NEDD4L: variants seen among roughly 807,000 people sequenced by gnomAD.
NEDD4L encodes NEDD4 like E3 ubiquitin protein ligase.
Under a neutral mutation model 148.9 loss-of-function variants are expected in NEDD4L, and 54 were observed. The ratio of observed to expected loss-of-function variants is 0.36; its 90% CI spans 0.29 to 0.45. The LOEUF (loss-of-function observed/expected upper bound fraction) is 0.45. Among genes scored for constraint, NEDD4L ranks in the 20% least tolerant of loss-of-function variants. The pLI, the probability that NEDD4L is intolerant of heterozygous loss-of-function variation, is 1.00. For synonymous variants in NEDD4L, 433 were observed against 440.7 expected, an observed-to-expected ratio of 0.98 and a Z score of 0.22; for missense variants, 856 against 1,233.8, an observed-to-expected ratio of 0.69 and a Z score of 4.59.
intron 1 of NEDD4L, among the ~76,000 whole-genome samples, chr18:58,117,661 C>T (rs962773271): frequency 3.3e-5 from 5 of 152,106 alleles, no homozygotes; most frequent in Non-Finnish European, 5.9e-5. Context: ...TATACATTTG[C>T]GTTGAAAAAC....
intron 16 of NEDD4L, among the ~76,000 whole-genome samples, chr18:58,349,250 G>A (rs1338797143): frequency 6.6e-6 from 1 of 152,084 alleles, no homozygotes; most frequent in Non-Finnish European, 1.5e-5. Context: ...CATCACTGCT[G>A]GGACTCTCTT....
chr18:58,284,034 G>A (rs186664850), intron 5 of NEDD4L, among the ~76,000 whole-genome samples: 127 of 152,298 alleles, frequency 8.3e-4, no homozygotes, highest in African/African-American at 2.7e-3. Flanking sequence ...CCAGAAAGCA[G>A]GGGAGACCAT....
chr18:58,072,863 C>T (rs955315543), intron 1 of NEDD4L, among the ~76,000 whole-genome samples: 32 of 112,498 alleles, frequency 2.8e-4, no homozygotes, highest in Admixed American at 3.6e-4. Context: ...CTAAGGCGCG[C>T]GCGCGCGCGC....
At position 58,276,197 on chromosome 18, in the gene NEDD4L, T is replaced by TTTTG. The variant is rs200931688; in HGVS notation, c.297+24146_297+24147insGTTT. ...TTTAATGTGCATTTTCTTTTTCGTT[T>TTTTG]TTTTTTTTTTTTTTTGGGTGGGGAG... is the stretch of plus-strand genomic sequence containing the variant. On this transcript the variant is annotated intron_variant, in intron 5 of 30. Coordinates refer to ENST00000400345, the MANE Select transcript of NEDD4L (RefSeq NM_001144967.3). Among the ~76,000 whole-genome samples the TTTTG allele has an allele frequency of 5.8e-4, 51 of 87,344 alleles. 1 individual carries two copies. Among genetic ancestry groups the TTTTG allele is most frequent in the Admixed American group, 7.5e-4 (7 of 9,284 alleles). 57.3% of individuals were successfully genotyped at this position (87,344 alleles called of 152,430 possible).
intron 1 of NEDD4L, among the ~76,000 whole-genome samples, chr18:58,110,549 G>C (rs2085356246): frequency 6.6e-6 from 1 of 152,222 alleles, no homozygotes; most frequent in South Asian, 2.1e-4. Context: ...TATCTCAGCT[G>C]TGGTGCTTGG....
intron 2 of NEDD4L, among the ~76,000 whole-genome samples, chr18:58,208,394 G>A (rs1163424879): frequency 6.6e-6 from 1 of 152,186 alleles, no homozygotes; most frequent in East Asian, 1.9e-4. Context: ...CTCCTTCTCA[G>A]CCTGTTGTCA....
intron 2 of NEDD4L, among the ~76,000 whole-genome samples, chr18:58,184,318 C>T (rs11659445): frequency 6.6e-6 from 1 of 150,616 alleles, no homozygotes; most frequent in South Asian, 2.1e-4. Context: ...ACCCTCCTCT[C>T]CTGCTCTTGG....
intron 5 of NEDD4L, among the ~76,000 whole-genome samples, chr18:58,296,903 T>C (rs537655754): frequency 2.0e-5 from 3 of 151,860 alleles, no homozygotes; most frequent in Non-Finnish European, 2.9e-5. Context: ...GCCTGGGCAA[T>C]AGGGCAAGAC....
chr18:58,132,880 T>C (rs2032350712), intron 1 of NEDD4L, among the ~76,000 whole-genome samples: 1 of 152,166 alleles, frequency 6.6e-6, no homozygotes, highest in South Asian at 2.1e-4. Flanking sequence ...ACATGTAGGG[T>C]AACTAGAGAT....
intron 18 of NEDD4L, among the ~76,000 whole-genome samples, chr18:58,351,427 G>A (rs557516345): frequency 1.3e-5 from 2 of 152,366 alleles, no homozygotes; most frequent in Non-Finnish European, 2.9e-5. Context: ...GAAGCAGCAT[G>A]TAAGTTTTTT....
intron 5 of NEDD4L, among the ~76,000 whole-genome samples, chr18:58,281,617 A>C (rs1466198233): frequency 6.6e-6 from 1 of 152,162 alleles, no homozygotes; most frequent in Non-Finnish European, 1.5e-5. Context: ...AAATGAGTCA[A>C]TAACAACTTC....
intron 2 of NEDD4L, among the ~76,000 whole-genome samples, chr18:58,179,623 A>G (rs2038600499): frequency 6.6e-6 from 1 of 152,096 alleles, no homozygotes; most frequent in South Asian, 2.1e-4. Flanking sequence ...CGGATCAGCC[A>G]CCAGCATTAG....
chr18:58,260,562 C>T (rs1191557762), intron 5 of NEDD4L, among the ~76,000 whole-genome samples: 1 of 152,154 alleles, frequency 6.6e-6, no homozygotes, highest in Non-Finnish European at 1.5e-5. Context: ...GGTGTTATTT[C>T]ACTGTTTCAG....
At position 58,366,287 on chromosome 18, in the gene NEDD4L, A is replaced by G; in HGVS notation, c.2063+59A>G. 1 of 1,248,068 alleles carries G rather than the reference A, an allele frequency of 8.0e-7. No homozygotes were observed. The highest frequency in any genetic ancestry group is 1.1e-6 in the Non-Finnish European group (1 of 904,050). The allele number at this position is 1,248,068 out of a possible 1,614,324, so 77.3% of individuals were successfully genotyped here. On this transcript the variant is annotated intron_variant, in intron 21 of 30. Transcript: ENST00000400345. This position sits in a 1 kb window ranked among gnomAD's most constrained non-coding sequence, Gnocchi z 4.2. Reference sequence around the variant, plus strand: ...CACTGAGACAGTTGTATGAATTTAAACAGAATGAAAGGATAAGCAGCTCAT... The same window carrying G: ...CACTGAGACAGTTGTATGAATTTAAGCAGAATGAAAGGATAAGCAGCTCAT...
chr18:58,308,522 G>A (rs930294385), intron 5 of NEDD4L, among the ~76,000 whole-genome samples: 2 of 152,220 alleles, frequency 1.3e-5, no homozygotes, highest in Non-Finnish European at 2.9e-5. Context: ...CATTGAAGAG[G>A]CAGTCGTTTC....
intron 1 of NEDD4L, among the ~76,000 whole-genome samples, chr18:58,048,146 G>A (rs2081675589): frequency 6.6e-6 from 1 of 152,162 alleles, no homozygotes; most frequent in Admixed American, 6.5e-5. Flanking sequence ...CGGCTTAATT[G>A]GGGCCACATT....
At chr18:58,377,632 T>C (rs1382961361) in intron 24 of NEDD4L, among the ~76,000 whole-genome samples, 1 of 152,178 alleles carries the variant, frequency 6.6e-6, no homozygotes, top group Non-Finnish European at 1.5e-5. Flanking sequence ...CATTCACTGC[T>C]GTGCACACAT....
At chr18:58,249,080 C>G (rs1225449860) in intron 4 of NEDD4L, 143 bp downstream of exon 4, 1 of 455,844 alleles carries the variant, frequency 2.2e-6, no homozygotes, top group African/African-American at 2.0e-5. Context: ...CTAATGTGTC[C>G]CAAATTTTGA....
At chr18:58,186,859 G>A (rs1398724149) in intron 2 of NEDD4L, among the ~76,000 whole-genome samples, 1 of 152,208 alleles carries the variant, frequency 6.6e-6, no homozygotes, top group East Asian at 1.9e-4. Flanking sequence ...GGCATTTCCA[G>A]CTCCTCAGGT....
Sources: allele counts gnomAD v4.1 joint callset (sites outside exome capture counted in the v4.1 genomes callset), GRCh38; gene constraint gnomAD v4.1.1; non-coding constraint Gnocchi (gnomAD v3.1); transcripts MANE v1.5; gene names NCBI Gene and HGNC (gene_info 2026-07-23, HGNC 2026-07-21).